The following PPME1 variants were observed in gnomAD, a reference collection of about 807,000 sequenced individuals.
PPME1 encodes the protein protein phosphatase methylesterase 1, also known as testicular secretory protein Li 39.
In PPME1, 17 loss-of-function variants were observed where a neutral mutation model predicts 56.9. The ratio of observed to expected loss-of-function variants is 0.30; its 90% CI spans 0.20 to 0.45. PPME1 has a LOEUF of 0.45. Ranked by LOEUF, PPME1 falls within the 20% of genes least tolerant of loss-of-function variation. PPME1 has a pLI of 1.00. For synonymous variants in PPME1, 122 were observed against 156.2 expected (o/e 0.78, Z 1.63); for missense variants, 357 against 483.2 (o/e 0.74, Z 2.45).
At chr11:74,172,232 G>T (rs1464212049) in intron 1 of PPME1, among the ~76,000 whole-genome samples, 3 of 152,128 alleles carry the variant, frequency 2.0e-5, no homozygotes, top group African/African-American at 7.2e-5. Flanking sequence ...AAGCTGGACA[G>T]GATAAGGGAG....
rs1373623087 is a variant in PPME1 at position 74,246,933 on chromosome 11, T to C, written c.965-146T>C. ...TAGGGGAATCTCAACCTGAAAAGTT[T>C]TATCTGGTGGTGAGAGTATGCTCTG... On this transcript the variant is annotated intron_variant, in intron 10 of 13. Transcript: ENST00000328257. 5.8e-6 allele frequency: 4 copies of C among 695,160 alleles called. No individual in the cohort carries two copies. The African/African-American group carries it at 7.3e-5, about 13-fold the overall frequency. The allele number at this position is 695,160 out of a possible 1,614,324, so 43.1% of individuals were successfully genotyped here.
In PPME1 at chr11:74,211,641, C is replaced by G. The variant is rs1376894253; in HGVS notation, c.288+7196C>G. Among the ~76,000 whole-genome samples the G allele has an allele frequency of 2.0e-5, 3 of 151,906 alleles. No individual in the cohort carries two copies. In the East Asian group the frequency reaches 5.8e-4, roughly 29 times the overall value. On this transcript the variant is annotated intron_variant, in intron 3 of 13. Coordinates refer to ENST00000328257, the MANE Select transcript of PPME1 (RefSeq NM_016147.3). ...GTTTACCAAAACAAAAACTTCTAGA[C>G]AAAATACCGTAAAGTTAAAACACAA...
intron 7 of PPME1, among the ~76,000 whole-genome samples, chr11:74,235,240 T>G (rs900227086): frequency 6.6e-6 from 1 of 152,174 alleles, no homozygotes; most frequent in Admixed American, 6.5e-5. Context: ...TTAGTTGTAC[T>G]TAGGTGGACA....
At chr11:74,203,906 T>C in intron 2 of PPME1, 85 bp downstream of exon 2, 1 of 964,766 alleles carries the variant, frequency 1.0e-6, no homozygotes, top group Non-Finnish European at 1.5e-6. Context: ...AAAATGTTCT[T>C]TATTCCTGCT....
chr11:74,246,075 G>C lies in PPME1; in HGVS notation c.835-1G>C. ...CTCAGAACTTGCTCTTATTCCTCCA[G>C]ACCAAGAAAGACCATCCATACACCT... On this transcript the variant is annotated splice_acceptor_variant, in intron 9 of 13. Coordinates refer to ENST00000328257, the MANE Select transcript of PPME1 (RefSeq NM_016147.3). LOFTEE classifies it high-confidence loss of function. 1 of 1,579,288 alleles carries C rather than the reference G, an allele frequency of 6.3e-7. No individual in the cohort carries two copies.
At chr11:74,218,967 A>G (rs1224736295) in intron 3 of PPME1, among the ~76,000 whole-genome samples, 4 of 152,208 alleles carry the variant, frequency 2.6e-5, no homozygotes, top group African/African-American at 9.6e-5. Flanking sequence ...ATGGGAGAAA[A>G]TATTTGCAAA....
Position 74,171,334 on chromosome 11 carries a change from G to C in PPME1, c.-88G>C, listed in dbSNP as rs1591002258. On this transcript the variant is annotated 5_prime_UTR_variant, in exon 1 of 14. Coordinates refer to ENST00000328257, the MANE Select transcript of PPME1 (RefSeq NM_016147.3). The stretch of plus-strand genomic sequence containing the variant: ...GTCCAAAGGCGACAGGGCGTCGTTA[G>C]GGGAGCGAGTCGTGACCGGTTGGGC... 1 of 1,520,270 alleles carries C rather than the reference G, an allele frequency of 6.6e-7. No homozygotes were observed. The highest frequency in any genetic ancestry group is 1.4e-5 in the African/African-American group (1 of 72,986). The allele number at this position is 1,520,270 out of a possible 1,614,324, so 94.2% of individuals were successfully genotyped here. A position where few individuals can be genotyped will look rare whatever the true frequency, so the allele number is the denominator to read the frequency against.
At chr11:74,209,407 G>A (rs1216610758) in intron 3 of PPME1, among the ~76,000 whole-genome samples, 3 of 152,100 alleles carry the variant, frequency 2.0e-5, no homozygotes, top group Non-Finnish European at 4.4e-5. Flanking sequence ...CTGGCCATGG[G>A]AGCTATTTTT....
At chr11:74,236,883 A>T (rs1043570114) in intron 8 of PPME1, among the ~76,000 whole-genome samples, 2 of 152,242 alleles carry the variant, frequency 1.3e-5, no homozygotes, top group East Asian at 3.8e-4. Flanking sequence ...GCAATTCTTT[A>T]ATATCATCAA....
chr11:74,186,251 A>C (rs1857677992), intron 1 of PPME1, among the ~76,000 whole-genome samples: 1 of 152,158 alleles, frequency 6.6e-6, no homozygotes, highest in Non-Finnish European at 1.5e-5. Context: ...TGATCATAAT[A>C]GTTCTAAACC....
chr11:74,212,496 A>G (rs188930652), intron 3 of PPME1, among the ~76,000 whole-genome samples: 1 of 152,314 alleles, frequency 6.6e-6, no homozygotes, highest in Admixed American at 6.5e-5. Flanking sequence ...CTTGAGCAGC[A>G]CATAACCTTG....
intron 1 of PPME1, among the ~76,000 whole-genome samples, chr11:74,201,176 C>T (rs1165104551): frequency 6.6e-6 from 1 of 151,872 alleles, no homozygotes; most frequent in African/African-American, 2.4e-5. Context: ...GGGGTTTCAC[C>T]GTGTTAGCCA....
chr11:74,192,944 T>A (rs1448986106), intron 1 of PPME1, among the ~76,000 whole-genome samples: 1 of 152,216 alleles, frequency 6.6e-6, no homozygotes, highest in Non-Finnish European at 1.5e-5. Flanking sequence ...ATCCCTCAGC[T>A]GCTTCTGATG....
At chr11:74,208,821 A>G (rs17132836) in intron 3 of PPME1, among the ~76,000 whole-genome samples, 15,868 of 152,264 alleles carry the variant, frequency 0.1, 2,168 homozygotes, top group African/African-American at 0.32. Flanking sequence ...TTAAGACCAA[A>G]TAGAAGTTGG....
chr11:74,239,743 A>AT (rs1164718774), intron 9 of PPME1, among the ~76,000 whole-genome samples: 3 of 148,376 alleles, frequency 2.0e-5, no homozygotes, highest in East Asian at 2.0e-4. Flanking sequence ...CACCCAGCTA[A>AT]TTTTTTTTTG....
In PPME1 at chr11:74,253,604, C is replaced by T. The variant is rs961102431; in HGVS notation, c.*94C>T. 1.4e-6 allele frequency: 2 copies of T among 1,404,448 alleles called. No homozygotes were observed. The highest frequency in any genetic ancestry group is 2.8e-5 in the African/African-American group (2 of 70,482). The allele number at this position is 1,404,448 out of a possible 1,614,324, so 87.0% of individuals were successfully genotyped here. A position where few individuals can be genotyped will look rare whatever the true frequency, so the allele number is the denominator to read the frequency against. On this transcript the variant is annotated 3_prime_UTR_variant, in exon 14 of 14. Coordinates refer to ENST00000328257, the MANE Select transcript of PPME1 (RefSeq NM_016147.3). ...ATGCCACTGTCTCCTCTCCATCCCG[C>T]CCAGCCATGTGACACTGGCTCCCGG...
intron 7 of PPME1, among the ~76,000 whole-genome samples, chr11:74,232,316 G>T (rs1443529604): frequency 6.6e-6 from 1 of 152,202 alleles, no homozygotes; most frequent in Non-Finnish European, 1.5e-5. Flanking sequence ...ATGGCATACT[G>T]CCCTAGCAGG....
chr11:74,185,636 AGTT>A (rs1857659674), intron 1 of PPME1, among the ~76,000 whole-genome samples: 1 of 150,722 alleles, frequency 6.6e-6, no homozygotes, highest in South Asian at 2.1e-4. Context: ...ATTTTAGAAA[AGTT>A]GTCATTATAT....
chr11:74,222,451 A>G (rs1040907240), intron 4 of PPME1, 82 bp downstream of exon 4: 48 of 1,229,530 alleles, frequency 3.9e-5, no homozygotes, highest in Middle Eastern at 1.9e-4. Context: ...AGAAATTTCA[A>G]CGTGGCCATA....
Sources: gnomAD v4.1 joint callset for allele counts (sites outside exome capture counted in the v4.1 genomes callset) on GRCh38, gnomAD v4.1.1 for gene constraint, MANE v1.5 for transcripts, NCBI Gene and HGNC (gene_info 2026-07-23, HGNC 2026-07-21) for gene names.